Variants in NWD1 observed in about 807,000 individuals in gnomAD.
The protein encoded by NWD1 is NACHT and WD repeat domain containing 1.
A neutral mutation model predicts 135.1 loss-of-function variants in NWD1; 129 were observed. That is an observed-to-expected ratio of 0.96 (90% CI 0.83 to 1.11). NWD1 has a LOEUF of 1.11. Among genes scored for constraint, NWD1 ranks in the 50% least tolerant of loss-of-function variants. The pLI, the probability that NWD1 is intolerant of heterozygous loss-of-function variation, is 0.00. For synonymous variants in NWD1, 773 were observed against 786.0 expected (o/e 0.98, Z 0.28); for missense variants, 1,740 against 1,851.3 (o/e 0.94, Z 1.10).
intron 12 of NWD1, among the ~76,000 whole-genome samples, chr19:16,788,273 A>G (rs1341930311): frequency 1.5e-5 from 2 of 136,474 alleles, no homozygotes; most frequent in African/African-American, 5.9e-5. Flanking sequence ...AATAATAATA[A>G]TAATAATAAT....
At chr19:16,793,568 T>G (rs2123063804) in intron 14 of NWD1, among the ~76,000 whole-genome samples, 1 of 111,466 alleles carries the variant, frequency 9.0e-6, no homozygotes, top group South Asian at 3.4e-4. Context: ...TTTTTTTGTT[T>G]TTTGGTTTTT....
Position 16,722,860 on chromosome 19 carries a change from G to T in NWD1, c.-104-1506G>T, listed in dbSNP as rs533727635. On this transcript the variant is annotated intron_variant, in intron 1 of 18. Coordinates refer to ENST00000524140, the MANE Select transcript of NWD1 (RefSeq NM_001007525.5). ...TGCTGGTGGTCAATCATGTCTACGT[G>T]ACCAACTCCCAATAAAAACCCCGGA... 6.6e-5 allele frequency among the ~76,000 whole-genome samples: 10 copies of T among 152,122 alleles called. No homozygotes were observed. The South Asian group carries it at 2.1e-3, about 32-fold the overall frequency.
At chr19:16,787,075 A>G (rs1017507058) in intron 12 of NWD1, among the ~76,000 whole-genome samples, 1 of 151,976 alleles carries the variant, frequency 6.6e-6, no homozygotes, top group South Asian at 2.1e-4. Flanking sequence ...TTTCCCCTTT[A>G]TGCCTTCCAA....
chr19:16,800,304 C>A (rs752916673), intron 17 of NWD1, 142 bp downstream of exon 17: 5 of 797,846 alleles, frequency 6.3e-6, no homozygotes, highest in Admixed American at 5.0e-5. Flanking sequence ...GAGGCCTTGG[C>A]GGGTGGATCA....
rs149852918 is a variant in NWD1, at chr19:16,781,182, C to T, written c.2731+1717C>T. Among the ~76,000 whole-genome samples, 1,119 of 152,160 alleles carry T rather than the reference C, an allele frequency of 7.4e-3. 11 individuals are homozygous for T. Among genetic ancestry groups the T allele is most frequent in the Non-Finnish European group, 8.5e-3 (579 of 68,002 alleles). ...GTTCTAGATGCTGAAGAGAGATAGACGAGGGTCGGGACTAGGATGGAAAAC... is the reference window on the plus strand; with the variant it reads ...GTTCTAGATGCTGAAGAGAGATAGATGAGGGTCGGGACTAGGATGGAAAAC... On this transcript the variant is annotated intron_variant, in intron 12 of 18. Transcript: ENST00000524140.
chr19:16,791,664 T>G, intron 14 of NWD1, 42 bp downstream of exon 14: 1 of 1,579,496 alleles, frequency 6.3e-7, no homozygotes, highest in Non-Finnish European at 8.7e-7. Context: ...TTAACTCAGC[T>G]TGAAAGTGCT....
At chr19:16,783,967 T>G (rs982656327) in intron 12 of NWD1, among the ~76,000 whole-genome samples, 1 of 151,958 alleles carries the variant, frequency 6.6e-6, no homozygotes, top group Non-Finnish European at 1.5e-5. Flanking sequence ...ATCCCAACAC[T>G]TCGGGAGGCC....
chr19:16,764,485 A>G (rs1397620136), intron 9 of NWD1, among the ~76,000 whole-genome samples: 1 of 150,930 alleles, frequency 6.6e-6, no homozygotes, highest in Non-Finnish European at 1.5e-5. Context: ...CCATCCATCC[A>G]TCCATCCACT....
At chr19:16,808,710 T>A (rs1280209839) in intron 18 of NWD1, among the ~76,000 whole-genome samples, 3 of 151,882 alleles carry the variant, frequency 2.0e-5, no homozygotes, top group African/African-American at 7.3e-5. Flanking sequence ...TGGGCTCCAG[T>A]GATCCTCCCG....
At chr19:16,767,695 A>G (rs1969275554) in intron 10 of NWD1, among the ~76,000 whole-genome samples, 1 of 151,930 alleles carries the variant, frequency 6.6e-6, no homozygotes, top group East Asian at 1.9e-4. Context: ...CCATGATCCA[A>G]TCACCTCCCA....
At chr19:16,778,149 A>G (rs1291698578) in intron 11 of NWD1, among the ~76,000 whole-genome samples, 1 of 152,108 alleles carries the variant, frequency 6.6e-6, no homozygotes, top group East Asian at 1.9e-4. Flanking sequence ...CTGATTCAGC[A>G]CCACCCATTT....
chr19:16,785,126 TG>T (rs1226225904), intron 12 of NWD1, among the ~76,000 whole-genome samples: 1 of 152,050 alleles, frequency 6.6e-6, no homozygotes, highest in Non-Finnish European at 1.5e-5. Context: ...GGTCTCCTTC[TG>T]GGGGGTTGCG....
intron 6 of NWD1, among the ~76,000 whole-genome samples, chr19:16,755,434 C>T (rs1036859285): frequency 2.0e-5 from 3 of 152,150 alleles, no homozygotes; most frequent in Admixed American, 2.0e-4. Flanking sequence ...TGTTGCTTAG[C>T]CTGGAATGCA....
Position 16,776,059 on chromosome 19 carries a change from C to T in NWD1, c.2608+2736C>T, listed in dbSNP as rs935451843. On this transcript the variant is annotated intron_variant, in intron 11 of 18. Coordinates refer to ENST00000524140, the MANE Select transcript of NWD1 (RefSeq NM_001007525.5). ...TACTAAAGGTGAGATGATAGAATGA[C>T]TATGGGGGCACAAATCGCACATAGT... 3.3e-5 allele frequency among the ~76,000 whole-genome samples: 5 copies of T among 152,208 alleles called. No individual in the cohort carries two copies. In the East Asian group the frequency reaches 9.6e-4, roughly 29 times the overall value.
At chr19:16,769,459 TA>T (rs35986056) in intron 10 of NWD1, among the ~76,000 whole-genome samples, 33,662 of 147,952 alleles carry the variant, frequency 0.23, 4,415 homozygotes, top group East Asian at 0.44. Context: ...AAAATTCCAT[TA>T]AAAAAAAAAA....
intron 6 of NWD1, among the ~76,000 whole-genome samples, chr19:16,751,372 A>C (rs1359502003): frequency 6.6e-6 from 1 of 151,914 alleles, no homozygotes; most frequent in African/African-American, 2.4e-5. Context: ...AAAGAGAGAG[A>C]GAAAGAGGGA....
At chr19:16,745,430 A>AC (rs1233590830) in intron 5 of NWD1, among the ~76,000 whole-genome samples, 4 of 151,936 alleles carry the variant, frequency 2.6e-5, no homozygotes, top group South Asian at 2.1e-4. Flanking sequence ...CAGGATTTGT[A>AC]TTACTAAAAT....
intron 1 of NWD1, among the ~76,000 whole-genome samples, chr19:16,720,842 C>T (rs561947173): frequency 3.3e-5 from 5 of 151,906 alleles, no homozygotes; most frequent in South Asian, 2.1e-4. Flanking sequence ...CGTGAGCCAC[C>T]GCACCTGGCC....
chr19:16,781,241 C>A (rs1327043164), intron 12 of NWD1, among the ~76,000 whole-genome samples: 2 of 152,120 alleles, frequency 1.3e-5, no homozygotes, highest in Non-Finnish European at 2.9e-5. Context: ...CAAGGGTCCT[C>A]CCTTTGGGAG....
Sources: allele counts gnomAD v4.1 joint callset (sites outside exome capture counted in the v4.1 genomes callset), GRCh38; gene constraint gnomAD v4.1.1; transcripts MANE v1.5; gene names NCBI Gene and HGNC (gene_info 2026-07-23, HGNC 2026-07-21).